The following LRRC27 variants were observed in gnomAD, a reference collection of about 807,000 sequenced individuals.
The protein encoded by LRRC27 is leucine rich repeat containing 27, also known as leucine-rich repeat-containing protein 27.
In LRRC27, 57 loss-of-function variants were observed where a neutral mutation model predicts 55.0. That is an observed-to-expected ratio of 1.04 (90% CI 0.84 to 1.29). The LOEUF (loss-of-function observed/expected upper bound fraction) is 1.29. Among genes scored for constraint, LRRC27 ranks in the 50% most tolerant of loss-of-function variants. LRRC27 has a pLI of 0.00. For missense variants in LRRC27, 721 were observed against 651.5 expected, an observed-to-expected ratio of 1.11 and a Z score of -1.16; for synonymous variants, 278 against 251.9, an observed-to-expected ratio of 1.10 and a Z score of -0.98.
Position 132,374,971 on chromosome 10 carries a change from G to T in LRRC27, c.1417-95G>T. ...GGGCTGGCTCTGCTGACGCCCACAT[G>T]GCCTGGGCCCCACGTGGAATCTGAG... On this transcript the variant is annotated intron_variant, in intron 10 of 10. Transcript: ENST00000368614. The surrounding 1 kb of genome is among the most constrained non-coding windows in gnomAD (Gnocchi z 4.4). 7.4e-7 allele frequency: 1 copy of T among 1,349,372 alleles called. No homozygotes were observed. Among genetic ancestry groups the T allele is most frequent in the Non-Finnish European group, 1.0e-6 (1 of 981,826 alleles). The allele number at this position is 1,349,372 out of a possible 1,614,324, so 83.6% of individuals were successfully genotyped here.
intron 3 of LRRC27, among the ~76,000 whole-genome samples, chr10:132,338,102 G>A (rs1338955677): frequency 6.6e-6 from 1 of 152,130 alleles, no homozygotes; most frequent in African/African-American, 2.4e-5. Context: ...GATCACCTGA[G>A]GTCAGGAGTT....
intron 2 of LRRC27, chr10:132,337,008 G>T: frequency 9.8e-7 from 1 of 1,021,176 alleles, no homozygotes; most frequent in South Asian, 2.0e-5. Context: ...CCACCGAGTT[G>T]ATGTGTCAAT....
At chr10:132,331,735 A>G (rs775911540), upstream of LRRC27, 93 of 1,611,954 alleles carry the variant, frequency 5.8e-5, 2 homozygotes, top group South Asian at 6.0e-4. Flanking sequence ...GGCACTTAGC[A>G]TCCCGCTCTC....
chr10:132,356,021 T>C (rs997372941), intron 8 of LRRC27, 135 bp downstream of exon 8: 1 of 638,680 alleles, frequency 1.6e-6, no homozygotes, highest in African/African-American at 1.9e-5. Context: ...TCCCTGTCCA[T>C]GGAGGATGAG....
chr10:132,367,640 A>G (rs1367688956), intron 10 of LRRC27, among the ~76,000 whole-genome samples: 2 of 152,262 alleles, frequency 1.3e-5, no homozygotes, highest in Non-Finnish European at 1.5e-5. Context: ...ATGCAGAAAA[A>G]GCATCTGACA....
chr10:132,366,928 A>G, intron 10 of LRRC27: 1 of 1,283,866 alleles, frequency 7.8e-7, no homozygotes, highest in South Asian at 1.2e-5. Context: ...CTCGGACCCC[A>G]CTTCTGAGAC....
intron 1 of LRRC27, among the ~76,000 whole-genome samples, chr10:132,333,184 G>A (rs914994310): frequency 1.3e-5 from 2 of 152,164 alleles, no homozygotes; most frequent in African/African-American, 2.4e-5. Flanking sequence ...GCTTTGAAAT[G>A]TTCCGATCTG....
rs2069286840 is a variant in LRRC27 at position 132,374,144 on chromosome 10, G to A, written c.1417-922G>A. On this transcript the variant is annotated intron_variant, in intron 10 of 10. Transcript: ENST00000368614. The surrounding 1 kb of genome is among the most constrained non-coding windows in gnomAD (Gnocchi z 4.4). ...GGACCTGCTGTGATTATGGCTGCAT[G>A]GTGAGGGGGTGCAGTGGCTCCAGGG... 7.3e-6 allele frequency among the ~76,000 whole-genome samples: 1 copy of A among 136,814 alleles called. No homozygotes were observed. The highest frequency in any genetic ancestry group is 2.6e-5 in the African/African-American group (1 of 38,612). The allele number at this position is 136,814 out of a possible 152,430, so 89.8% of individuals were successfully genotyped here. A position where few individuals can be genotyped will look rare whatever the true frequency, so the allele number is the denominator to read the frequency against.
At chr10:132,330,890 A>G (rs558598284), upstream of LRRC27, among the ~76,000 whole-genome samples, 9 of 151,184 alleles carry the variant, frequency 6.0e-5, 1 homozygote, top group East Asian at 1.8e-3. Context: ...TCTCCACATA[A>G]TTATGTCGTT....
At chr10:132,347,845 T>C in intron 5 of LRRC27, 139 bp from the exon 6 acceptor site, 2 of 1,085,086 alleles carry the variant, frequency 1.8e-6, no homozygotes, top group Non-Finnish European at 2.7e-6. Context: ...GGGAATTGTT[T>C]GGATTGACAG....
intron 8 of LRRC27, among the ~76,000 whole-genome samples, chr10:132,358,746 G>T: frequency 1.3e-5 from 1 of 76,726 alleles, no homozygotes; most frequent in Non-Finnish European, 2.5e-5. Context: ...GCGTGGGGAG[G>T]AGCCGAGGTG....
At chr10:132,338,379 T>C (rs1034568098) in intron 3 of LRRC27, among the ~76,000 whole-genome samples, 3 of 152,228 alleles carry the variant, frequency 2.0e-5, no homozygotes, top group Non-Finnish European at 4.4e-5. Flanking sequence ...TAACCCACAT[T>C]GGTTCTTGGC....
rs1564840532 is a variant in LRRC27, at chr10:132,352,684, A to AGGCGCTGAGGCCTCCG, written c.1073+931_1073+932insGGCGCTGAGGCCTCCG. 2.4e-4 allele frequency among the ~76,000 whole-genome samples: 28 copies of AGGCGCTGAGGCCTCCG among 115,198 alleles called. 7 individuals are homozygous for AGGCGCTGAGGCCTCCG. Among genetic ancestry groups the AGGCGCTGAGGCCTCCG allele is most frequent in the African/African-American group, 6.9e-4 (20 of 28,960 alleles). 75.6% of individuals were successfully genotyped at this position (115,198 alleles called of 152,430 possible). ...GTGTGGGGCAGGCGCTGAGGCCTCC[A>AGGCGCTGAGGCCTCCG]TGTGGGGCAGGTGCAGCGCTCGTGG... is the stretch of plus-strand genomic sequence containing the variant. On this transcript the variant is annotated intron_variant, in intron 7 of 10. Coordinates refer to ENST00000368614, the MANE Select transcript of LRRC27 (RefSeq NM_030626.3).
chr10:132,350,055 CTG>C (rs1280580714), intron 6 of LRRC27, among the ~76,000 whole-genome samples: 1 of 152,208 alleles, frequency 6.6e-6, no homozygotes, highest in Non-Finnish European at 1.5e-5. Context: ...TGGTGCTCCT[CTG>C]TGTTCTCTGG....
chr10:132,355,363 T>A (rs1040081018), intron 7 of LRRC27, among the ~76,000 whole-genome samples: 1 of 152,152 alleles, frequency 6.6e-6, no homozygotes, highest in African/African-American at 2.4e-5. Context: ...AATTCAAGTG[T>A]CTGAAGGGAG....
intron 3 of LRRC27, among the ~76,000 whole-genome samples, chr10:132,338,043 C>T (rs1157513208): frequency 3.3e-5 from 5 of 152,182 alleles, no homozygotes; most frequent in Non-Finnish European, 7.3e-5. Context: ...TGGCCAGGCG[C>T]GGTGGCTCAC....
chr10:132,338,820 T>C (rs1403773124), intron 3 of LRRC27, among the ~76,000 whole-genome samples: 1 of 151,480 alleles, frequency 6.6e-6, no homozygotes, highest in East Asian at 1.9e-4. Context: ...AGCGATCCTC[T>C]TGCCTCAGCC....
chr10:132,361,540 C>G lies in LRRC27; in HGVS notation c.1254C>G (p.Ser418Arg). 6.2e-7 allele frequency: 1 copy of G among 1,613,742 alleles called. No individual in the cohort carries two copies. The highest frequency in any genetic ancestry group is 8.5e-7 in the Non-Finnish European group (1 of 1,179,848). ...PLNPPGKMKPSKEKSPQASKE... is the reference protein window; with the variant it reads ...PLNPPGKMKPRKEKSPQASKE... The stretch of plus-strand genomic sequence containing the variant: ...ATCCGCCTGGAAAAATGAAACCAAG[C>G]AAAGAGAAATCGCCACAAGCAAGTA... Residue 418 changes from serine (S) to arginine (R), a missense_variant, in exon 9 of 11, where the codon AGC becomes AGG. Coordinates refer to ENST00000368614, the MANE Select transcript of LRRC27 (RefSeq NM_030626.3).
intron 7 of LRRC27, 137 bp from the exon 8 acceptor site, chr10:132,355,653 A>G: frequency 1.6e-6 from 1 of 629,276 alleles, no homozygotes; most frequent in African/African-American, 1.8e-5. Flanking sequence ...TCAGACTCCC[A>G]CCCGGAGGGC....
Sources: allele counts gnomAD v4.1 joint callset (sites outside exome capture counted in the v4.1 genomes callset), GRCh38; gene constraint gnomAD v4.1.1; non-coding constraint Gnocchi (gnomAD v3.1); transcripts MANE v1.5; gene names NCBI Gene and HGNC (gene_info 2026-07-23, HGNC 2026-07-21).